Variants in ADIPOR1 observed in about 807,000 individuals in gnomAD.
ADIPOR1 encodes the protein adiponectin receptor 1.
In ADIPOR1, 15 loss-of-function variants were observed where a neutral mutation model predicts 37.5. The ratio of observed to expected loss-of-function variants is 0.40; its 90% CI spans 0.27 to 0.62. The LOEUF (loss-of-function observed/expected upper bound fraction) is 0.62. Among genes scored for constraint, ADIPOR1 ranks in the 20% least tolerant of loss-of-function variants. The pLI is 0.42. For synonymous variants in ADIPOR1, 173 were observed against 173.2 expected (o/e 1.00, Z 0.01); for missense variants, 286 against 478.0 (o/e 0.60, Z 3.75).
chr1:202,945,506 C>G (rs1654271980), intron 4 of ADIPOR1, among the ~76,000 whole-genome samples: 1 of 152,208 alleles, frequency 6.6e-6, no homozygotes. Context: ...ACCAATCCCA[C>G]TACCAGGTGT....
At chr1:202,956,601 A>T (rs1654793685) in intron 1 of ADIPOR1, among the ~76,000 whole-genome samples, 1 of 152,198 alleles carries the variant, frequency 6.6e-6, no homozygotes, top group Non-Finnish European at 1.5e-5. Context: ...ACTTTAGTTG[A>T]AGTGATCAGA....
chr1:202,954,402 C>T (rs532349349), intron 1 of ADIPOR1: 1 of 152,336 alleles, frequency 6.6e-6, no homozygotes, highest in South Asian at 2.1e-4. Context: ...AATACCACTT[C>T]TATGGGGTGG....
At position 202,943,787 on chromosome 1, in the gene ADIPOR1, G is replaced by GCAAACCGGTCC; in HGVS notation, c.765_775dup (p.Ala259GlyfsTer22). ...TCTTGTCTGCCGGTGCTTAGGAGTGGCAAACCGGTCCCACTGCGCCACAAT... is the reference window on the plus strand; with the variant it reads ...TCTTGTCTGCCGGTGCTTAGGAGTGGCAAACCGGTCCCAAACCGGTCCCACTGCGCCACAAT... On this transcript the variant is annotated frameshift_variant, in exon 6 of 8. Coordinates refer to ENST00000340990, the MANE Select transcript of ADIPOR1 (RefSeq NM_015999.6). LOFTEE classifies it high-confidence loss of function. 6.2e-7 allele frequency: 1 copy of GCAAACCGGTCC among 1,613,646 alleles called. No individual in the cohort carries two copies. Among genetic ancestry groups the GCAAACCGGTCC allele is most frequent in the Non-Finnish European group, 8.5e-7 (1 of 1,180,000 alleles).
At chr1:202,944,377 T>C (rs1183610581) in intron 5 of ADIPOR1, 2 of 155,452 alleles carry the variant, frequency 1.3e-5, no homozygotes, top group Non-Finnish European at 2.8e-5. Context: ...TCTATCTTAG[T>C]TGACTTTTTA....
intron 1 of ADIPOR1, 36 bp from the exon 2 acceptor site, chr1:202,951,200 T>TA (rs1408220187): frequency 1.9e-6 from 2 of 1,059,806 alleles, no homozygotes; most frequent in African/African-American, 1.6e-5. Context: ...ATTGACAATT[T>TA]ATTCCTCTTA....
intron 5 of ADIPOR1, 130 bp from the exon 6 acceptor site, chr1:202,944,075 A>AGT: frequency 2.6e-6 from 2 of 783,266 alleles, no homozygotes; most frequent in Non-Finnish European, 2.0e-6. Flanking sequence ...TGTATTGTAG[A>AGT]CTCCCATACA....
chr1:202,941,763 G>T, intron 7 of ADIPOR1, 62 bp from the exon 8 acceptor site: 1 of 1,551,494 alleles, frequency 6.4e-7, no homozygotes, highest in South Asian at 1.2e-5. Context: ...AAACAAGTAG[G>T]AGAAAGCATT....
chr1:202,944,670 C>T (rs371022132), intron 5 of ADIPOR1: 10 of 183,464 alleles, frequency 5.5e-5, no homozygotes, highest in Admixed American at 1.1e-4. Flanking sequence ...TAGTAAGTTA[C>T]GCTTGTACAA....
At chr1:202,944,910 A>G (rs1654245026) in intron 5 of ADIPOR1, 73 bp downstream of exon 5, 1 of 1,401,858 alleles carries the variant, frequency 7.1e-7, no homozygotes, top group African/African-American at 1.4e-5. Flanking sequence ...AGCTCCTATC[A>G]CCCAGTAAGC....
Position 202,951,129 on chromosome 1 carries a change from C to T in ADIPOR1, c.-59G>A. The T allele has an allele frequency of 6.2e-7, 1 of 1,604,412 alleles. No individual in the cohort carries two copies. Among genetic ancestry groups the T allele is most frequent in the Non-Finnish European group, 8.5e-7 (1 of 1,173,248 alleles). ...TTGGGGAAAGGTTGGGGTCTCTCAG[C>T]CCCAGGGGGCAGAGATCTCCCTCTG... On this transcript the variant is annotated 5_prime_UTR_variant, in exon 2 of 8. Transcript: ENST00000340990.
At chr1:202,954,729 T>C (rs759072140) in intron 1 of ADIPOR1, among the ~76,000 whole-genome samples, 28 of 152,220 alleles carry the variant, frequency 1.8e-4, no homozygotes, top group Non-Finnish European at 3.1e-4. Context: ...AGGGAGGTTG[T>C]TTGTACTCCT....
intron 1 of ADIPOR1, chr1:202,954,344 G>A (rs1224898876): frequency 6.6e-6 from 1 of 152,238 alleles, no homozygotes. Context: ...GAGAGATAGG[G>A]ATCGGACGTC....
chr1:202,957,144 ACAGATAGT>A (rs1320482627), intron 1 of ADIPOR1, among the ~76,000 whole-genome samples: 1 of 152,216 alleles, frequency 6.6e-6, no homozygotes, highest in Non-Finnish European at 1.5e-5. Flanking sequence ...CTGGCAGTAT[ACAGATAGT>A]ATACAACCTC....
At chr1:202,956,038 A>G (rs1654770967) in intron 1 of ADIPOR1, among the ~76,000 whole-genome samples, 1 of 152,212 alleles carries the variant, frequency 6.6e-6, no homozygotes, top group South Asian at 2.1e-4. Context: ...AGCCTCCCAA[A>G]GTGTTGGGAT....
upstream of ADIPOR1, chr1:202,958,425 C>T (rs550717510): frequency 3.2e-3 from 493 of 153,886 alleles, no homozygotes; most frequent in Non-Finnish European, 6.1e-3. Flanking sequence ...GGCCACACCT[C>T]CCGCCCCGGG....
chr1:202,952,357 T>C (rs1571568664), intron 1 of ADIPOR1, among the ~76,000 whole-genome samples: 2 of 152,172 alleles, frequency 1.3e-5, no homozygotes, highest in South Asian at 4.1e-4. Flanking sequence ...AAACTTAAGC[T>C]TAGGGAGCCC....
At chr1:202,946,319 T>C (rs189920513) in intron 4 of ADIPOR1, 120 bp downstream of exon 4, 4 of 1,207,330 alleles carry the variant, frequency 3.3e-6, no homozygotes, top group Non-Finnish European at 4.7e-6. Flanking sequence ...CTTAAAGTCA[T>C]TAGTAGTTTA....
chr1:202,958,108 A>T (rs1210206960), intron 1 of ADIPOR1, 77 bp downstream of exon 1: 1 of 152,064 alleles, frequency 6.6e-6, no homozygotes, highest in African/African-American at 2.4e-5. Flanking sequence ...TCTCCTCCGC[A>T]GGCCTGGGTC....
intron 6 of ADIPOR1, among the ~76,000 whole-genome samples, chr1:202,943,511 T>C (rs555655530): frequency 1.3e-5 from 2 of 152,346 alleles, no homozygotes; most frequent in South Asian, 4.1e-4. Context: ...TAAGAGTAGC[T>C]ACATCTGTGC....
Sources: allele counts gnomAD v4.1 joint callset (sites outside exome capture counted in the v4.1 genomes callset), GRCh38; gene constraint gnomAD v4.1.1; transcripts MANE v1.5; gene names NCBI Gene and HGNC (gene_info 2026-07-23, HGNC 2026-07-21).